Variants in MIPEP observed in about 807,000 individuals in gnomAD.
The protein encoded by MIPEP is mitochondrial intermediate peptidase.
In MIPEP, 79 loss-of-function variants were observed where a neutral mutation model predicts 90.3. The observed-to-expected ratio is 0.87, with a 90% CI of 0.73 to 1.05. The LOEUF (loss-of-function observed/expected upper bound fraction) is 1.05. MIPEP is among the 50% of genes least tolerant of loss of function. MIPEP has a pLI of 0.00. For missense variants in MIPEP, 940 were observed against 905.6 expected (o/e 1.04, Z -0.49); for synonymous variants, 334 against 315.8 (o/e 1.06, Z -0.61).
Position 23,870,200 on chromosome 13 carries a change from A to G in MIPEP, c.604-5T>C, listed in dbSNP as rs746785262. Reference sequence around the variant, plus strand: ...GAGGTCCACTGCTCTTTTACGCTGTATGCAGGAGGAGTAAAAGTTATTTAA... The same window carrying G: ...GAGGTCCACTGCTCTTTTACGCTGTGTGCAGGAGGAGTAAAAGTTATTTAA... On this transcript the variant is annotated splice_region_variant and splice_polypyrimidine_tract_variant and intron_variant, in intron 5 of 18. Transcript: ENST00000382172. 5 of 1,519,624 alleles carry G rather than the reference A, an allele frequency of 3.3e-6. No individual in the cohort carries two copies. Among genetic ancestry groups the G allele is most frequent in the Non-Finnish European group, 4.4e-6 (5 of 1,130,926 alleles). The allele number at this position is 1,519,624 out of a possible 1,614,324, so 94.1% of individuals were successfully genotyped here.
intron 18 of MIPEP, among the ~76,000 whole-genome samples, chr13:23,750,382 T>C (rs1205202845): frequency 6.6e-6 from 1 of 152,228 alleles, no homozygotes; most frequent in African/African-American, 2.4e-5. Flanking sequence ...CTAGACTGTG[T>C]CAGCTTCTCA....
chr13:23,838,692 T>C (rs1164406422), intron 12 of MIPEP, among the ~76,000 whole-genome samples: 2 of 152,306 alleles, frequency 1.3e-5, no homozygotes, highest in Admixed American at 1.3e-4. Flanking sequence ...ACACCTTGGA[T>C]CTGAACCCAG....
intron 1 of MIPEP, among the ~76,000 whole-genome samples, chr13:23,887,050 G>T (rs751728411): frequency 5.9e-4 from 90 of 152,286 alleles, no homozygotes; most frequent in Admixed American, 1.7e-3. Flanking sequence ...GACAAGGTGA[G>T]ATCTCAGTAC....
intron 16 of MIPEP, among the ~76,000 whole-genome samples, chr13:23,798,716 G>A (rs1292992374): frequency 6.6e-6 from 1 of 151,938 alleles, no homozygotes; most frequent in African/African-American, 2.4e-5. Flanking sequence ...AAAGTATGTG[G>A]CACCTACCCT....
chr13:23,773,723 T>C (rs915566149), intron 16 of MIPEP, among the ~76,000 whole-genome samples: 1 of 152,216 alleles, frequency 6.6e-6, no homozygotes, highest in African/African-American at 2.4e-5. Context: ...CTGAACATCT[T>C]TTCATGTGCT....
At chr13:23,821,187 C>T (rs1390912046) in intron 14 of MIPEP, among the ~76,000 whole-genome samples, 1 of 152,144 alleles carries the variant, frequency 6.6e-6, no homozygotes, top group East Asian at 1.9e-4. Flanking sequence ...AATCTGCAAC[C>T]TTTACAAACT....
rs2138516460 is a variant in MIPEP, at chr13:23,760,292, G to A, written c.1849-75C>T. On this transcript the variant is annotated intron_variant, in intron 16 of 18. Coordinates refer to ENST00000382172, the MANE Select transcript of MIPEP (RefSeq NM_005932.4). ...GGAGAATATCACATGTGAGAACACA[G>A]TGGAGACACAGAGAGACCCGTAAAT... The A allele has an allele frequency of 4.4e-6, 7 of 1,594,736 alleles. No homozygotes were observed. The South Asian group carries it at 6.6e-5, about 15-fold the overall frequency.
At position 23,822,892 on chromosome 13, in the gene MIPEP, C is replaced by CTT. The variant is rs988195593; in HGVS notation, c.1654-12970_1654-12969dup. On this transcript the variant is annotated intron_variant, in intron 14 of 18. Coordinates refer to ENST00000382172, the MANE Select transcript of MIPEP (RefSeq NM_005932.4). ...AGAGACCAGCAGCATCTGGGCGCTT[C>CTT]TTTTTTTTTTTGAGACAGAGTCTTG... 2.1e-5 allele frequency among the ~76,000 whole-genome samples: 3 copies of CTT among 144,400 alleles called. No homozygotes were observed. The Admixed American group carries it at 2.1e-4, about 10-fold the overall frequency. 94.7% of individuals were successfully genotyped at this position (144,400 alleles called of 152,430 possible).
At position 23,889,309 on chromosome 13, in the gene MIPEP, G is replaced by C. The variant is rs541476983; in HGVS notation, c.12C>G (p.Val4=). ...TGGCTCCCAAGCCGCCCAGCCTTCC[G>C]ACGCACAGCATTCTAGCACCAGAGC... is the stretch of plus-strand genomic sequence containing the variant. MLC[V]GRLGGLGARA... is the part of the protein sequence containing the mutation. The change falls in exon 1 of 19, where the codon GTC becomes GTG. Residue 4 remains valine, a synonymous_variant. Coordinates refer to ENST00000382172, the MANE Select transcript of MIPEP (RefSeq NM_005932.4). 7.4e-7 allele frequency: 1 copy of C among 1,348,392 alleles called. No homozygotes were observed. The highest frequency in any genetic ancestry group is 9.5e-7 in the Non-Finnish European group (1 of 1,048,262). The allele number at this position is 1,348,392 out of a possible 1,614,324, so 83.5% of individuals were successfully genotyped here.
intron 5 of MIPEP, among the ~76,000 whole-genome samples, chr13:23,872,015 G>A (rs1216841763): frequency 6.6e-6 from 1 of 152,124 alleles, no homozygotes; most frequent in Non-Finnish European, 1.5e-5. Flanking sequence ...TCAATGATCT[G>A]CCAGGCATAT....
intron 16 of MIPEP, among the ~76,000 whole-genome samples, chr13:23,767,099 C>A (rs1792877931): frequency 6.6e-6 from 1 of 152,166 alleles, no homozygotes; most frequent in African/African-American, 2.4e-5. Flanking sequence ...GTCCTCAGTG[C>A]TATAACTGTA....
chr13:23,846,555 A>C (rs1334773530), intron 10 of MIPEP, among the ~76,000 whole-genome samples: 1 of 152,194 alleles, frequency 6.6e-6, no homozygotes, highest in Admixed American at 6.5e-5. Context: ...ACCTATGTCT[A>C]AACACGAAAT....
chr13:23,760,018 G>A (rs572925117), intron 17 of MIPEP, 78 bp downstream of exon 17: 4 of 1,581,284 alleles, frequency 2.5e-6, no homozygotes, highest in Non-Finnish European at 3.5e-6. Context: ...TGCAGTTCTC[G>A]AGCCCGACTT....
intron 16 of MIPEP, among the ~76,000 whole-genome samples, chr13:23,768,670 G>C (rs1404261211): frequency 1.3e-5 from 2 of 152,142 alleles, no homozygotes; most frequent in Non-Finnish European, 2.9e-5. Context: ...TGGGAGCAGA[G>C]GTGGCAGTGA....
At chr13:23,740,591 C>T (rs1040893878) in intron 18 of MIPEP, among the ~76,000 whole-genome samples, 8 of 152,118 alleles carry the variant, frequency 5.3e-5, no homozygotes, top group Non-Finnish European at 1.0e-4. Context: ...TGATCAAAGA[C>T]CAACTCTGTA....
intron 16 of MIPEP, among the ~76,000 whole-genome samples, chr13:23,774,020 T>A (rs1324972): frequency 6.6e-6 from 1 of 151,970 alleles, no homozygotes; most frequent in African/African-American, 2.4e-5. Context: ...TAAATGTGTA[T>A]GTAATCCTAT....
intron 16 of MIPEP, among the ~76,000 whole-genome samples, chr13:23,779,916 G>T (rs1449608650): frequency 6.6e-6 from 1 of 152,314 alleles, no homozygotes; most frequent in South Asian, 2.1e-4. Flanking sequence ...GGGGAGGGGC[G>T]CCCACCATTG....
At chr13:23,770,551 C>T (rs1307895078) in intron 16 of MIPEP, among the ~76,000 whole-genome samples, 1 of 152,072 alleles carries the variant, frequency 6.6e-6, no homozygotes, top group Non-Finnish European at 1.5e-5. Context: ...AGATGAACTC[C>T]CACTCCATAC....
At chr13:23,863,913 T>C (rs548430273) in intron 8 of MIPEP, among the ~76,000 whole-genome samples, 15 of 152,330 alleles carry the variant, frequency 9.8e-5, no homozygotes, top group African/African-American at 3.6e-4. Flanking sequence ...GAAAGATGAA[T>C]TTCTAAAAAC....
Sources: allele counts gnomAD v4.1 joint callset (sites outside exome capture counted in the v4.1 genomes callset), GRCh38; gene constraint gnomAD v4.1.1; transcripts MANE v1.5; gene names NCBI Gene and HGNC (gene_info 2026-07-23, HGNC 2026-07-21).